The following KSR1 variants were observed in gnomAD, a reference collection of about 807,000 sequenced individuals.
KSR1 encodes the protein kinase suppressor of ras 1, also known as kinase suppressor of ras.
In KSR1, 35 loss-of-function variants were observed where a neutral mutation model predicts 92.9. The ratio of observed to expected loss-of-function variants is 0.38; its 90% CI spans 0.29 to 0.50. The LOEUF (loss-of-function observed/expected upper bound fraction) is 0.50. KSR1 is among the 20% of genes least tolerant of loss of function. The probability of loss-of-function intolerance (pLI) is 0.94; values close to 1 mark genes in which losing one functional copy is unlikely to be tolerated. For missense variants in KSR1, 972 were observed against 1,158.5 expected, an observed-to-expected ratio of 0.84 and a Z score of 2.34; for synonymous variants, 467 against 472.6, an observed-to-expected ratio of 0.99 and a Z score of 0.15.
intron 10 of KSR1, among the ~76,000 whole-genome samples, chr17:27,598,882 G>T (rs377182902): frequency 1.3e-5 from 2 of 152,162 alleles, no homozygotes; most frequent in East Asian, 3.9e-4. Flanking sequence ...TGCCCGCCCG[G>T]CTGGCCCGGT....
intron 1 of KSR1, among the ~76,000 whole-genome samples, chr17:27,547,053 C>A (rs2071203853): frequency 6.6e-6 from 1 of 152,178 alleles, no homozygotes; most frequent in African/African-American, 2.4e-5. Context: ...TATTTTGATT[C>A]TGACTCAGCG....
intron 2 of KSR1, among the ~76,000 whole-genome samples, chr17:27,552,066 C>T (rs944974570): frequency 6.6e-6 from 1 of 152,228 alleles, no homozygotes; most frequent in Admixed American, 6.5e-5. Flanking sequence ...GCCCATGACT[C>T]ATCCCTTGAA....
chr17:27,513,738 G>A (rs1177592506), intron 1 of KSR1, among the ~76,000 whole-genome samples: 1 of 152,218 alleles, frequency 6.6e-6, no homozygotes, highest in Non-Finnish European at 1.5e-5. Context: ...CTTGCTTGAT[G>A]CTTATGTTTA....
At chr17:27,607,138 A>T (rs898670770) in intron 14 of KSR1, among the ~76,000 whole-genome samples, 12 of 152,206 alleles carry the variant, frequency 7.9e-5, no homozygotes, top group Admixed American at 7.2e-4. Flanking sequence ...TGCCTGAAAC[A>T]GGAAAATATT....
intron 1 of KSR1, among the ~76,000 whole-genome samples, chr17:27,467,541 A>G (rs1238238428): frequency 6.6e-6 from 1 of 152,208 alleles, no homozygotes; most frequent in African/African-American, 2.4e-5. Context: ...GATAGACATT[A>G]TCTTGTGAAT....
intron 1 of KSR1, among the ~76,000 whole-genome samples, chr17:27,478,938 C>CCATGCTCCTCCCTCCATT (rs1567748045): frequency 6.6e-6 from 1 of 151,970 alleles, no homozygotes; most frequent in Non-Finnish European, 1.5e-5. Flanking sequence ...CTCCCTTCAT[C>CCATGCTCCTCCCTCCATT]CATGCTCCTC....
At chr17:27,575,889 C>T (rs1224732029) in intron 2 of KSR1, among the ~76,000 whole-genome samples, 2 of 152,240 alleles carry the variant, frequency 1.3e-5, no homozygotes, top group African/African-American at 4.8e-5. Context: ...TCAGGCTCTG[C>T]TTATATCCCT....
rs535886799 is a variant in KSR1, at chr17:27,617,061, G to T, written c.2494-234G>T. 2.0e-5 allele frequency among the ~76,000 whole-genome samples: 3 copies of T among 152,274 alleles called. No individual in the cohort carries two copies. In the South Asian group the frequency reaches 6.2e-4, roughly 32 times the overall value. On this transcript the variant is annotated intron_variant, in intron 18 of 20. Coordinates refer to ENST00000644974, the MANE Select transcript of KSR1 (RefSeq NM_001394583.1). Reference sequence around the variant, plus strand: ...TTACTCTTATTTTGGGGTGAGCATGGATCTAAGAAGGAAGGAGGTGAGGTA... The same window carrying T: ...TTACTCTTATTTTGGGGTGAGCATGTATCTAAGAAGGAAGGAGGTGAGGTA...
chr17:27,547,147 A>T (rs1297832196), intron 1 of KSR1, among the ~76,000 whole-genome samples: 1 of 152,120 alleles, frequency 6.6e-6, no homozygotes, highest in Non-Finnish European at 1.5e-5. Flanking sequence ...GGGGTAAGTA[A>T]CCCCAAGGGG....
chr17:27,568,206 C>T (rs1448274660), intron 2 of KSR1, among the ~76,000 whole-genome samples: 3 of 152,188 alleles, frequency 2.0e-5, no homozygotes, highest in Non-Finnish European at 2.9e-5. Context: ...CTCCAAAACC[C>T]GACAGCTCTT....
At chr17:27,585,759 C>T (rs2072945180) in intron 5 of KSR1, 98 bp downstream of exon 5, 3 of 719,138 alleles carry the variant, frequency 4.2e-6, no homozygotes, top group Non-Finnish European at 7.8e-6. Context: ...CCTCTTAGCC[C>T]GTTCAGCCTC....
intron 2 of KSR1, among the ~76,000 whole-genome samples, chr17:27,562,381 A>G (rs2071868513): frequency 6.6e-6 from 1 of 152,228 alleles, no homozygotes. Flanking sequence ...GGGCCAGTGA[A>G]GGTTGCGTTA....
chr17:27,585,145 C>G (rs2072919022), intron 4 of KSR1, among the ~76,000 whole-genome samples: 3 of 152,192 alleles, frequency 2.0e-5, no homozygotes, highest in Admixed American at 2.0e-4. Flanking sequence ...TCACCTTGGC[C>G]AGGCTGGTCT....
chr17:27,481,684 C>G (rs1204348905), intron 1 of KSR1, among the ~76,000 whole-genome samples: 2 of 152,132 alleles, frequency 1.3e-5, no homozygotes, highest in Non-Finnish European at 2.9e-5. Context: ...GGGGGTTCAG[C>G]TTCAGGGGGT....
chr17:27,544,220 A>T (rs1388676707), intron 1 of KSR1, among the ~76,000 whole-genome samples: 1 of 152,078 alleles, frequency 6.6e-6, no homozygotes, highest in East Asian at 1.9e-4. Flanking sequence ...GTGTCAAGGG[A>T]CTTTAGGGCT....
chr17:27,574,235 T>C (rs535590178), intron 2 of KSR1, among the ~76,000 whole-genome samples: 2 of 152,346 alleles, frequency 1.3e-5, no homozygotes, highest in Admixed American at 1.3e-4. Context: ...TATCCAAACC[T>C]CATTTCAGTG....
intron 1 of KSR1, among the ~76,000 whole-genome samples, chr17:27,504,520 C>CTG (rs1209206743): frequency 1.3e-5 from 2 of 152,116 alleles, no homozygotes; most frequent in Non-Finnish European, 2.9e-5. Flanking sequence ...GGCAGAGACC[C>CTG]TGGAGCCTGC....
intron 2 of KSR1, among the ~76,000 whole-genome samples, chr17:27,553,983 G>A (rs1042453299): frequency 4.6e-5 from 7 of 152,158 alleles, no homozygotes; most frequent in African/African-American, 1.7e-4. Context: ...AACCCAGACA[G>A]TTCTTCGGAC....
At chr17:27,562,497 G>A (rs2071874026) in intron 2 of KSR1, among the ~76,000 whole-genome samples, 1 of 152,190 alleles carries the variant, frequency 6.6e-6, no homozygotes, top group East Asian at 1.9e-4. Flanking sequence ...ACTTGAGCAG[G>A]ACTGTGTGCC....
Sources: gnomAD v4.1 joint callset for allele counts (sites outside exome capture counted in the v4.1 genomes callset) on GRCh38, gnomAD v4.1.1 for gene constraint, MANE v1.5 for transcripts, NCBI Gene and HGNC (gene_info 2026-07-23, HGNC 2026-07-21) for gene names.